The following KCNQ1 variants were observed in gnomAD, a reference collection of about 807,000 sequenced individuals.
KCNQ1 encodes the protein potassium voltage-gated channel subfamily KQT member 1.
KCNQ1 carries 49 observed loss-of-function variants against 72.4 expected under a neutral mutation model. The observed-to-expected ratio is 0.68, with a 90% CI of 0.54 to 0.86. KCNQ1 has a LOEUF of 0.86. Among genes scored for constraint, KCNQ1 ranks in the 40% least tolerant of loss-of-function variants. The pLI is 0.00. For synonymous variants in KCNQ1, 450 were observed against 412.6 expected (o/e 1.09, Z -1.10); for missense variants, 790 against 945.1 (o/e 0.84, Z 2.15).
At chr11:2,775,773 T>C (rs1564888972) in intron 12 of KCNQ1, among the ~76,000 whole-genome samples, 187 bp from the exon 13 acceptor site, 1 of 152,166 alleles carries the variant, frequency 6.6e-6, no homozygotes, top group Non-Finnish European at 1.5e-5. Flanking sequence ...CAGAGACCCA[T>C]GGCCAAGCTG....
chr11:2,459,947 T>C (rs78427034), intron 1 of KCNQ1, among the ~76,000 whole-genome samples: 3,118 of 152,270 alleles, frequency 0.02, 110 homozygotes, highest in African/African-American at 0.072. Context: ...TCGCAGTCTT[T>C]CAGACAAACT....
rs112098780 is a variant in KCNQ1, at chr11:2,541,707, T to TTG, written c.477+13690_477+13691insGT. 1.3e-5 allele frequency among the ~76,000 whole-genome samples: 2 copies of TTG among 151,034 alleles called. No individual in the cohort carries two copies. The highest frequency in any genetic ancestry group is 3.0e-5 in the Non-Finnish European group (2 of 67,730). Reference sequence around the variant, plus strand: ...ATCTCAGGCTCAGGTGTTTTGAGTTTTTTTTTTTTTTTAAATGAGGACATC... The same window carrying TTG: ...ATCTCAGGCTCAGGTGTTTTGAGTTTTGTTTTTTTTTTTTAAATGAGGACATC... On this transcript the variant is annotated intron_variant, in intron 2 of 15. Transcript: ENST00000155840. The surrounding 1 kb of genome is among the most constrained non-coding windows in gnomAD (Gnocchi z 4.8).
intron 1 of KCNQ1, among the ~76,000 whole-genome samples, chr11:2,476,110 T>C (rs1202966870): frequency 6.6e-6 from 1 of 152,220 alleles, no homozygotes; most frequent in Non-Finnish European, 1.5e-5. Flanking sequence ...ATTATTGATA[T>C]AGTTAAATTA....
At chr11:2,527,240 C>A (rs985858017) in intron 1 of KCNQ1, among the ~76,000 whole-genome samples, 1 of 152,108 alleles carries the variant, frequency 6.6e-6, no homozygotes, top group Admixed American at 6.5e-5. Flanking sequence ...TGGAGGAGAG[C>A]GGCCCACAGC....
rs1219098652 is a variant in KCNQ1, at chr11:2,723,824, T to C, written c.1515-45020T>C. Among the ~76,000 whole-genome samples the C allele has an allele frequency of 6.6e-6, 1 of 152,190 alleles. No homozygotes were observed. Among genetic ancestry groups the C allele is most frequent in the Non-Finnish European group, 1.5e-5 (1 of 68,034 alleles). ...GCACATGTACTCCAGCCTCTCTGTG[T>C]CCCATTTGCTCATGACATGGTGGTC... On this transcript the variant is annotated intron_variant, in intron 11 of 15. Coordinates refer to ENST00000155840, the MANE Select transcript of KCNQ1 (RefSeq NM_000218.3). The surrounding 1 kb of genome is among the most constrained non-coding windows in gnomAD (Gnocchi z 4.2).
chr11:2,643,218 A>AT (rs1181528228), intron 10 of KCNQ1: 1 of 398,208 alleles, frequency 2.5e-6, no homozygotes, highest in Non-Finnish European at 4.4e-6. Context: ...TTCTTTGTTA[A>AT]TTTTTTGTCT....
intron 3 of KCNQ1, 131 bp downstream of exon 3, chr11:2,570,885 C>A: frequency 1.6e-6 from 2 of 1,247,856 alleles, no homozygotes; most frequent in Non-Finnish European, 2.3e-6. Context: ...GGTGACTGCC[C>A]AGGACCCAGC....
Position 2,516,283 on chromosome 11 carries a change from C to T in KCNQ1, c.387-11645C>T, listed in dbSNP as rs1227233416. ...GTGAACAAAGGATGGGTCCACTTCTCAGGCTTCTCATGAAGTTTAGAGGCG... is the reference window on the plus strand; with the variant it reads ...GTGAACAAAGGATGGGTCCACTTCTTAGGCTTCTCATGAAGTTTAGAGGCG... On this transcript the variant is annotated intron_variant, in intron 1 of 15. Transcript: ENST00000155840. The surrounding 1 kb of genome is among the most constrained non-coding windows in gnomAD (Gnocchi z 7.0). Among the ~76,000 whole-genome samples, 2 of 152,122 alleles carry T rather than the reference C, an allele frequency of 1.3e-5. No individual in the cohort carries two copies. Among genetic ancestry groups the T allele is most frequent in the African/African-American group, 4.8e-5 (2 of 41,428 alleles).
intron 15 of KCNQ1, among the ~76,000 whole-genome samples, chr11:2,805,111 T>C (rs1404741436): frequency 6.6e-6 from 1 of 152,184 alleles, no homozygotes; most frequent in Admixed American, 6.5e-5. Context: ...ACAAGCCCTC[T>C]GGTGTGTCAG....
rs1446146811 is a variant in KCNQ1 at position 2,674,167 on chromosome 11, C to G, written c.1514+12086C>G. On this transcript the variant is annotated intron_variant, in intron 11 of 15. Coordinates refer to ENST00000155840, the MANE Select transcript of KCNQ1 (RefSeq NM_000218.3). This position sits in a 1 kb window ranked among gnomAD's most constrained non-coding sequence, Gnocchi z 5.9. The stretch of plus-strand genomic sequence containing the variant: ...GGCTCAGGAAGGGAAGGAATGTGAC[C>G]AAGGCTGGGTGTGGCTGGGGAGAGC... The G allele has an allele frequency of 4.8e-5, 19 of 398,638 alleles. 1 individual carries two copies. In the East Asian group the frequency reaches 6.8e-4, roughly 14 times the overall value. The allele number at this position is 398,638 out of a possible 1,614,324, so 24.7% of individuals were successfully genotyped here.
At position 2,849,003 on chromosome 11, in the gene KCNQ1, G is replaced by A. The variant is rs753280723; in HGVS notation, c.*1000G>A. On this transcript the variant is annotated 3_prime_UTR_variant, in exon 16 of 16. Coordinates refer to ENST00000155840, the MANE Select transcript of KCNQ1 (RefSeq NM_000218.3). ...CGTGGAGAATCACAGGCTGGGCTGG[G>A]CACTGCTCTCACCTTGGTTCCTGGG... The A allele has an allele frequency of 4.4e-6, 2 of 454,176 alleles. No homozygotes were observed. The highest frequency in any genetic ancestry group is 3.1e-5 in the South Asian group (2 of 64,484). 28.1% of individuals were successfully genotyped at this position (454,176 alleles called of 1,614,324 possible). A position where few individuals can be genotyped will look rare whatever the true frequency, so the allele number is the denominator to read the frequency against.
intron 2 of KCNQ1, among the ~76,000 whole-genome samples, chr11:2,535,042 G>C (rs1169281141): frequency 1.3e-5 from 2 of 152,208 alleles, no homozygotes; most frequent in African/African-American, 4.8e-5. Flanking sequence ...ACAGCCCCCA[G>C]GGCACGGGGT....
At position 2,647,770 on chromosome 11, in the gene KCNQ1, T is replaced by C. The variant is rs539852407; in HGVS notation, c.1394-14191T>C. On this transcript the variant is annotated intron_variant, in intron 10 of 15. Transcript: ENST00000155840. The surrounding 1 kb of genome is among the most constrained non-coding windows in gnomAD (Gnocchi z 4.0). Reference sequence around the variant, plus strand: ...TATCTCTTTCCTCTAGGTTTTCTAATTGTTGACATATAGTTGTTCATAATG... The same window carrying C: ...TATCTCTTTCCTCTAGGTTTTCTAACTGTTGACATATAGTTGTTCATAATG... 6.6e-4 allele frequency: 264 copies of C among 398,576 alleles called. 3 individuals are homozygous for C. The South Asian group carries it at 0.03, about 45-fold the overall frequency. 24.7% of individuals were successfully genotyped at this position (398,576 alleles called of 1,614,324 possible).
In KCNQ1 at chr11:2,766,236, C is replaced by G. The variant is rs1174033645; in HGVS notation, c.1515-2608C>G. ...ATATTCTGAAGCAAAGCACAATCAT[C>G]TGTTAGCTCACAAATCTATGGGTCA... On this transcript the variant is annotated intron_variant, in intron 11 of 15. Transcript: ENST00000155840. This position sits in a 1 kb window ranked among gnomAD's most constrained non-coding sequence, Gnocchi z 4.4. 6.6e-6 allele frequency among the ~76,000 whole-genome samples: 1 copy of G among 152,208 alleles called. No individual in the cohort carries two copies. The highest frequency in any genetic ancestry group is 1.5e-5 in the Non-Finnish European group (1 of 68,044).
chr11:2,718,285 C>T (rs978121754), intron 11 of KCNQ1, among the ~76,000 whole-genome samples: 11 of 152,192 alleles, frequency 7.2e-5, no homozygotes, highest in Non-Finnish European at 1.3e-4. Flanking sequence ...AGGTAGACCC[C>T]CACACTTAGG....
At chr11:2,831,240 A>T (rs537810501) in intron 15 of KCNQ1, among the ~76,000 whole-genome samples, 8 of 152,260 alleles carry the variant, frequency 5.3e-5, no homozygotes, top group African/African-American at 1.9e-4. Context: ...GTCCCTGAGG[A>T]GGCACCTCAG....
intron 1 of KCNQ1, among the ~76,000 whole-genome samples, chr11:2,472,057 CAT>C (rs1170914811): frequency 4.1e-4 from 58 of 139,962 alleles, no homozygotes; most frequent in African/African-American, 5.2e-4. Flanking sequence ...TATGTGTGCA[CAT>C]GTGTGTAGGT....
In KCNQ1 at chr11:2,563,707, T is replaced by C. The variant is rs912988146; in HGVS notation, c.478-6921T>C. Among the ~76,000 whole-genome samples the C allele has an allele frequency of 1.3e-5, 2 of 152,004 alleles. No individual in the cohort carries two copies. The highest frequency in any genetic ancestry group is 1.3e-4 in the Admixed American group (2 of 15,276). ...GGCACCGAGCACCATTCAACATAAG[T>C]CTTGTCAGCGTTCCGATGAAACAAG... On this transcript the variant is annotated intron_variant, in intron 2 of 15. Coordinates refer to ENST00000155840, the MANE Select transcript of KCNQ1 (RefSeq NM_000218.3). This position sits in a 1 kb window ranked among gnomAD's most constrained non-coding sequence, Gnocchi z 7.4.
chr11:2,776,114 C>A, intron 13 of KCNQ1, 60 bp downstream of exon 13: 2 of 1,404,684 alleles, frequency 1.4e-6, no homozygotes, highest in African/African-American at 1.4e-5. Flanking sequence ...CCGGCCCCAG[C>A]TGCATGATCA....
Sources: allele counts gnomAD v4.1 joint callset (sites outside exome capture counted in the v4.1 genomes callset), GRCh38; gene constraint gnomAD v4.1.1; non-coding constraint Gnocchi (gnomAD v3.1); transcripts MANE v1.5; gene names NCBI Gene and HGNC (gene_info 2026-07-23, HGNC 2026-07-21).